The following DMTF1 variants were observed in gnomAD, a reference collection of about 807,000 sequenced individuals.
DMTF1 encodes the protein cyclin-D-binding Myb-like transcription factor 1.
In DMTF1, 39 loss-of-function variants were observed where a neutral mutation model predicts 91.1. The ratio of observed to expected loss-of-function variants is 0.43; its 90% confidence interval spans 0.33 to 0.56. The LOEUF (loss-of-function observed/expected upper bound fraction) is 0.56. Among genes scored for constraint, DMTF1 ranks in the 20% least tolerant of loss-of-function variants. The pLI, the probability that DMTF1 is intolerant of heterozygous loss-of-function variation, is 0.05. For synonymous variants in DMTF1, 338 were observed against 309.5 expected (o/e 1.09, Z -0.97); for missense variants, 750 against 914.5 (o/e 0.82, Z 2.32).
Position 87,152,474 on chromosome 7 carries a change from G to C in DMTF1, c.-213G>C, listed in dbSNP as rs1421683837. 6.5e-6 allele frequency: 1 copy of C among 153,324 alleles called. No homozygotes were observed. Among genetic ancestry groups the C allele is most frequent in the Non-Finnish European group, 1.5e-5 (1 of 68,146 alleles). The allele number at this position is 153,324 out of a possible 1,614,324, so 9.5% of individuals were successfully genotyped here. On this transcript the variant is annotated 5_prime_UTR_variant, in exon 1 of 18. Coordinates refer to ENST00000331242, the MANE Select transcript of DMTF1 (RefSeq NM_001142327.2). Reference sequence around the variant, plus strand: ...GCTCACTCCAGCTGCAGCCACTCTCGCCCGTGGCTGCTTCCTCCATCCTGG... The same window carrying C: ...GCTCACTCCAGCTGCAGCCACTCTCCCCCGTGGCTGCTTCCTCCATCCTGG...
At chr7:87,160,058 A>G (rs1028956253) in intron 1 of DMTF1, among the ~76,000 whole-genome samples, 3 of 152,168 alleles carry the variant, frequency 2.0e-5, no homozygotes, top group African/African-American at 7.2e-5. Flanking sequence ...TGTTAACCAT[A>G]GGTTCATGTA....
intron 1 of DMTF1, among the ~76,000 whole-genome samples, chr7:87,160,943 G>A (rs1792183929): frequency 6.6e-6 from 1 of 152,098 alleles, no homozygotes; most frequent in Admixed American, 6.6e-5. Flanking sequence ...GTGTATGCCA[G>A]TAAGATTTAT....
At chr7:87,184,754 T>G in intron 11 of DMTF1, 129 bp downstream of exon 11, 1 of 798,490 alleles carries the variant, frequency 1.3e-6, no homozygotes, top group Non-Finnish European at 2.1e-6. Context: ...GCACTACTGT[T>G]TAAGATCTTA....
At chr7:87,178,489 C>G (rs946336417) in intron 7 of DMTF1, among the ~76,000 whole-genome samples, 2 of 151,940 alleles carry the variant, frequency 1.3e-5, no homozygotes, top group Non-Finnish European at 2.9e-5. Flanking sequence ...TTTCCCACAT[C>G]TGTTGAGATT....
intron 1 of DMTF1, among the ~76,000 whole-genome samples, chr7:87,153,821 T>C (rs1162847524): frequency 6.6e-6 from 1 of 152,252 alleles, no homozygotes; most frequent in Non-Finnish European, 1.5e-5. Context: ...AAACCATTTG[T>C]AGCTTTTAAG....
At chr7:87,165,988 A>G (rs1476883838) in intron 3 of DMTF1, among the ~76,000 whole-genome samples, 3 of 152,146 alleles carry the variant, frequency 2.0e-5, no homozygotes, top group African/African-American at 7.2e-5. Context: ...CAAGCAGCTG[A>G]TGAAATTGTT....
At chr7:87,194,275 G>A in intron 16 of DMTF1, 173 bp downstream of exon 16, 1 of 655,168 alleles carries the variant, frequency 1.5e-6, no homozygotes, top group African/African-American at 1.9e-5. Context: ...TGGCAGTCAG[G>A]AAGAATAAGA....
chr7:87,175,181 C>A (rs572972214), intron 7 of DMTF1, among the ~76,000 whole-genome samples: 1 of 151,958 alleles, frequency 6.6e-6, no homozygotes, highest in Admixed American at 6.6e-5. Flanking sequence ...CCACCACGCC[C>A]GGCTAATTTT....
chr7:87,192,890 A>G (rs1027146638), intron 14 of DMTF1: 3 of 231,236 alleles, frequency 1.3e-5, no homozygotes, highest in Non-Finnish European at 2.5e-5. Context: ...TACGTGCTAC[A>G]AAGAAAGAAA....
intron 4 of DMTF1, among the ~76,000 whole-genome samples, chr7:87,167,582 T>C (rs1018736832): frequency 7.1e-6 from 1 of 141,258 alleles, no homozygotes; most frequent in African/African-American, 2.7e-5. Context: ...GAAAATCATA[T>C]CTATCATATC....
At chr7:87,153,815 C>A (rs538809296) in intron 1 of DMTF1, among the ~76,000 whole-genome samples, 104 of 152,228 alleles carry the variant, frequency 6.8e-4, no homozygotes, top group African/African-American at 2.3e-3. Context: ...GGGAGAAAAC[C>A]ATTTGTAGCT....
Position 87,169,750 on chromosome 7 carries a change from C to G in DMTF1, c.233-1245C>G, listed in dbSNP as rs552800430. 3.3e-5 allele frequency among the ~76,000 whole-genome samples: 5 copies of G among 152,324 alleles called. No individual in the cohort carries two copies. The East Asian group carries it at 9.7e-4, about 29-fold the overall frequency. ...CTCCCTCCTCCCTGAAACGTTTTCA[C>G]TTGGCCTGTAGAAAACATTCCTCTG... On this transcript the variant is annotated intron_variant, in intron 4 of 17. Transcript: ENST00000331242.
chr7:87,193,970 A>T lies in DMTF1; in HGVS notation c.1896A>T (p.Val632=). The T allele has an allele frequency of 6.2e-7, 1 of 1,613,392 alleles. No individual in the cohort carries two copies. The highest frequency in any genetic ancestry group is 8.5e-7 in the Non-Finnish European group (1 of 1,179,614). The change falls in exon 16 of 18, where the codon GTA becomes GTT. Residue 632 remains valine, a synonymous_variant. Coordinates refer to ENST00000331242, the MANE Select transcript of DMTF1 (RefSeq NM_001142327.2). ...AGCCATCATTTAATGATGCTCATGTATCCAAATTCAGTGACCAAAATAGCA... is the reference window on the plus strand; with the variant it reads ...AGCCATCATTTAATGATGCTCATGTTTCCAAATTCAGTGACCAAAATAGCA... The part of the protein sequence containing the change: ...TVEPSFNDAH[V]SKFSDQNSTE...
chr7:87,157,418 C>T (rs1200196046), intron 1 of DMTF1, among the ~76,000 whole-genome samples: 1 of 152,108 alleles, frequency 6.6e-6, no homozygotes, highest in Admixed American at 6.5e-5. Context: ...CTCTTTCATA[C>T]TTGTATCAGT....
chr7:87,194,237 T>A, intron 16 of DMTF1, 135 bp downstream of exon 16: 1 of 944,036 alleles, frequency 1.1e-6, no homozygotes, highest in Non-Finnish European at 1.5e-6. Context: ...GTGTTGTCAC[T>A]GGCAGAAATG....
chr7:87,155,335 C>T (rs1790393210), intron 1 of DMTF1: 1 of 151,990 alleles, frequency 6.6e-6, no homozygotes, highest in African/African-American at 2.4e-5. Context: ...GGTGTTCTGC[C>T]TTTCCAAAAT....
Position 87,179,068 on chromosome 7 carries a change from C to T in DMTF1, c.520-477C>T, listed in dbSNP as rs866663257. Among the ~76,000 whole-genome samples, 174 of 150,598 alleles carry T rather than the reference C, an allele frequency of 1.2e-3. 1 individual carries two copies. The highest frequency in any genetic ancestry group is 3.4e-3 in the Middle Eastern group (1 of 290). On this transcript the variant is annotated intron_variant, in intron 7 of 17. Coordinates refer to ENST00000331242, the MANE Select transcript of DMTF1 (RefSeq NM_001142327.2). ...TCTGTTAATGGTCTAATCTCTGCAG[C>T]GTCTCTATTTAGGCCTCATTTTTCC... is the stretch of plus-strand genomic sequence containing the variant.
Position 87,195,358 on chromosome 7 carries a change from G to A in DMTF1, c.*218G>A. On this transcript the variant is annotated 3_prime_UTR_variant, in exon 18 of 18. Transcript: ENST00000331242. ...ACAGTATGTAGTTGAGTGGAGGCTG[G>A]GAGTTTTAAGCATAAATCCCTGTTT... 5.0e-6 allele frequency: 2 copies of A among 400,056 alleles called. No individual in the cohort carries two copies. Among genetic ancestry groups the A allele is most frequent in the South Asian group, 5.2e-5 (1 of 19,076 alleles). 24.8% of individuals were successfully genotyped at this position (400,056 alleles called of 1,614,324 possible).
At position 87,173,544 on chromosome 7, in the gene DMTF1, A is replaced by G. The variant is rs374844532; in HGVS notation, c.337A>G (p.Asn113Asp). 9.1e-5 allele frequency: 146 copies of G among 1,601,980 alleles called. No homozygotes were observed. Among genetic ancestry groups the G allele is most frequent in the Non-Finnish European group, 1.1e-4 (130 of 1,174,378 alleles). The change falls in exon 6 of 18, where the codon AAT becomes GAT. Residue 113 changes from asparagine to aspartate, a missense_variant. Physicochemically the swap from Asn to Asp is conservative, Grantham distance 23. Transcript: ENST00000331242. ...GTVTQIQILQ[N>D]EQLDEISPLG... ...CTTTTACCTTTTCAAGATTTTGCAG[A>G]ATGAGCAACTAGATGAAATATCTCC...
Sources: gnomAD v4.1 joint callset for allele counts (sites outside exome capture counted in the v4.1 genomes callset) on GRCh38, gnomAD v4.1.1 for gene constraint, MANE v1.5 for transcripts, NCBI Gene and HGNC (gene_info 2026-07-23, HGNC 2026-07-21) for gene names.